The following CD72 variants were observed in gnomAD, a reference collection of about 807,000 sequenced individuals.
CD72 encodes the protein B-cell differentiation antigen CD72.
Under a neutral mutation model 50.7 loss-of-function variants are expected in CD72, and 28 were observed. The ratio of observed to expected loss-of-function variants is 0.55; its 90% CI spans 0.41 to 0.76. CD72 has a LOEUF of 0.76. CD72 is among the 30% of genes least tolerant of loss of function. CD72 has a pLI of 0.00. For synonymous variants in CD72, 176 were observed against 171.2 expected (o/e 1.03, Z -0.22); for missense variants, 403 against 420.6 (o/e 0.96, Z 0.37).
At chr9:35,632,268 T>C (rs543537344) in intron 1 of CD72, among the ~76,000 whole-genome samples, 16 of 149,050 alleles carry the variant, frequency 1.1e-4, no homozygotes, top group African/African-American at 2.5e-4. Context: ...AGCTCCGTCT[T>C]CCGGGTTCAC....
intron 5 of CD72, among the ~76,000 whole-genome samples, chr9:35,614,032 A>T (rs1299231328): frequency 6.6e-6 from 1 of 152,086 alleles, no homozygotes; most frequent in East Asian, 1.9e-4. Context: ...AAAAAAAAAA[A>T]AGAAATCTGT....
Position 35,617,264 on chromosome 9 carries a change from C to A in CD72, c.191-17G>T. On this transcript the variant is annotated splice_polypyrimidine_tract_variant and intron_variant, in intron 2 of 8. Transcript: ENST00000259633. ...ACTTGACCGCTGTCGAGGGGAGCAT[C>A]CAGTGTGAGACCGGAAGCCCCGAGT... is the stretch of plus-strand genomic sequence containing the variant. 6.5e-7 allele frequency: 1 copy of A among 1,539,910 alleles called. No homozygotes were observed.
chr9:35,633,106 CT>C (rs796211569), intron 1 of CD72, among the ~76,000 whole-genome samples: 1,827 of 139,046 alleles, frequency 0.013, 12 homozygotes, highest in Middle Eastern at 0.037. Context: ...AATTTTTGTA[CT>C]TTTTTTTTTT....
At chr9:35,611,555 C>T (rs537830810) in intron 7 of CD72, among the ~76,000 whole-genome samples, 8 of 152,226 alleles carry the variant, frequency 5.3e-5, no homozygotes, top group East Asian at 3.9e-4. Flanking sequence ...TAAAAGATAG[C>T]GTAGGTCCCA....
At chr9:35,624,101 A>T (rs1334702380), upstream of CD72, among the ~76,000 whole-genome samples, 1 of 150,794 alleles carries the variant, frequency 6.6e-6, no homozygotes, top group Non-Finnish European at 1.5e-5. Context: ...AATCCCAGCT[A>T]CTCGGGAGGC....
chr9:35,620,752 G>A (rs1202947641), upstream of CD72, among the ~76,000 whole-genome samples: 1 of 152,128 alleles, frequency 6.6e-6, no homozygotes, highest in Non-Finnish European at 1.5e-5. Flanking sequence ...GAACCCGGGA[G>A]GCAGAGGTTG....
At chr9:35,638,249 C>T (rs982700583) in intron 1 of CD72, among the ~76,000 whole-genome samples, 3 of 152,096 alleles carry the variant, frequency 2.0e-5, no homozygotes, top group African/African-American at 7.2e-5. Flanking sequence ...CAGTCCCAAC[C>T]CCAAGTGTTG....
At chr9:35,622,735 C>T (rs1403520512), upstream of CD72, among the ~76,000 whole-genome samples, 4 of 151,512 alleles carry the variant, frequency 2.6e-5, no homozygotes, top group East Asian at 7.7e-4. Flanking sequence ...TGCAGTGAGC[C>T]AAGGTGGTGC....
At chr9:35,617,283 C>A in intron 2 of CD72, 36 bp from the exon 3 acceptor site, 2 of 1,521,428 alleles carry the variant, frequency 1.3e-6, no homozygotes, top group Non-Finnish European at 1.8e-6. Flanking sequence ...GACCGGAAGC[C>A]CCGAGTGTTG....
chr9:35,613,034 T>C (rs1273241801), intron 5 of CD72, 41 bp from the exon 6 acceptor site: 1 of 1,549,676 alleles, frequency 6.5e-7, no homozygotes, highest in African/African-American at 1.4e-5. Flanking sequence ...ACAGTTGGGA[T>C]GAAAGTGACT....
chr9:35,618,430 C>A, upstream of CD72: 1 of 1,540,724 alleles, frequency 6.5e-7, no homozygotes. Flanking sequence ...TAGCAATTGG[C>A]CCTGTGACTT....
At chr9:35,612,520 G>C (rs143182572) in intron 6 of CD72, among the ~76,000 whole-genome samples, 1,618 of 152,148 alleles carry the variant, frequency 0.011, 31 homozygotes, top group African/African-American at 0.036. Flanking sequence ...AGGAGGCGGA[G>C]GTTGCAGTGA....
At chr9:35,610,849 C>T (rs1822969716) in intron 7 of CD72, 96 bp from the exon 8 acceptor site, 13 of 981,612 alleles carry the variant, frequency 1.3e-5, no homozygotes, top group Non-Finnish European at 2.0e-5. Context: ...TCCTAACTCA[C>T]CCTGCCTGCC....
rs1418029078 is a variant in CD72, at chr9:35,617,220, G to A, written c.218C>T (p.Ser73Phe). ...AAVKSEQPTA[S>F]WRAVTSPAVG... ...AGCTGGTGACGTCACGGCTCTCCAG[G>A]ACGCAGTTGGCTGCTCCGACTTGAC... The change falls in exon 3 of 9, where the codon TCC becomes TTC. Residue 73 changes from serine to phenylalanine, a missense_variant. Coordinates refer to ENST00000259633, the MANE Select transcript of CD72 (RefSeq NM_001782.3). 2 of 1,567,172 alleles carry A rather than the reference G, an allele frequency of 1.3e-6. No individual in the cohort carries two copies. The highest frequency in any genetic ancestry group is 1.9e-5 in the Admixed American group (1 of 53,586).
chr9:35,645,590 AAAAC>A lies in CD72; in HGVS notation n.408+809_408+812del, dbSNP rs550455835. Among the ~76,000 whole-genome samples the A allele has an allele frequency of 5.0e-3, 571 of 114,206 alleles. 4 individuals carry two copies. The highest frequency in any genetic ancestry group is 0.014 in the African/African-American group (534 of 38,880). The allele number at this position is 114,206 out of a possible 152,430, so 74.9% of individuals were successfully genotyped here. A position where few individuals can be genotyped will look rare whatever the true frequency, so the allele number is the denominator to read the frequency against. On this transcript the variant is annotated intron_variant and non_coding_transcript_variant, in intron 1 of 3. Coordinates refer to the CD72 transcript ENST00000465754. ...GAACAAGACTCCGTCTCAAAAAACA[AAAAC>A]AAACAAAAAAAAACTTGGTCTGTAT...
chr9:35,637,454 G>A (rs1823301629), intron 1 of CD72, among the ~76,000 whole-genome samples: 1 of 152,162 alleles, frequency 6.6e-6, no homozygotes, highest in South Asian at 2.1e-4. Context: ...AGACCAACCA[G>A]CCCAAGGAAC....
At chr9:35,612,763 G>T in intron 6 of CD72, 85 bp downstream of exon 6, 2 of 1,275,402 alleles carry the variant, frequency 1.6e-6, no homozygotes, top group Non-Finnish European at 2.2e-6. Context: ...CCCCAGCCAT[G>T]TGTGCACTGC....
At chr9:35,618,814 C>T (rs1411601422), upstream of CD72, 2 of 1,276,908 alleles carry the variant, frequency 1.6e-6, no homozygotes, top group Non-Finnish European at 1.0e-6. Context: ...GTTTGCATCC[C>T]TCGCTTCTCA....
rs372387811 is a variant in CD72, at chr9:35,615,439, A to G, written c.688+504T>C. Among the ~76,000 whole-genome samples the G allele has an allele frequency of 5.7e-4, 87 of 152,080 alleles. 1 individual carries two copies. The highest frequency in any genetic ancestry group is 2.0e-3 in the African/African-American group (82 of 41,476). On this transcript the variant is annotated intron_variant, in intron 5 of 8. Coordinates refer to ENST00000259633, the MANE Select transcript of CD72 (RefSeq NM_001782.3). ...AATGGACACCCCATCCTAGTTCCCT[A>G]CACCACAACTCCCAGCTCCACCTCA...
Sources: allele counts gnomAD v4.1 joint callset (sites outside exome capture counted in the v4.1 genomes callset), GRCh38; gene constraint gnomAD v4.1.1; transcripts MANE v1.5; gene names NCBI Gene and HGNC (gene_info 2026-07-23, HGNC 2026-07-21).